Variants in PDZRN3 observed in about 807,000 individuals in gnomAD.
PDZRN3 encodes the protein E3 ubiquitin-protein ligase PDZRN3.
Under a neutral mutation model 85.7 loss-of-function variants are expected in PDZRN3, and 38 were observed. The observed-to-expected ratio is 0.44, with a 90% CI of 0.34 to 0.58. The LOEUF (loss-of-function observed/expected upper bound fraction) is 0.58, where lower values mean the gene tolerates loss of function less well. PDZRN3 is among the 20% of genes least tolerant of loss of function. PDZRN3 has a pLI of 0.01. For synonymous variants in PDZRN3, 759 were observed against 638.0 expected (o/e 1.19, Z -2.86); for missense variants, 1,629 against 1,506.4 (o/e 1.08, Z -1.35).
At chr3:73,602,301 G>T in intron 3 of PDZRN3, 53 bp downstream of exon 3, 1 of 973,904 alleles carries the variant, frequency 1.0e-6, no homozygotes, top group South Asian at 1.3e-5. Context: ...TGAGCTAGAC[G>T]AAGATGGGAT....
intron 3 of PDZRN3, among the ~76,000 whole-genome samples, chr3:73,495,624 C>T (rs188170789): frequency 2.4e-4 from 36 of 152,192 alleles, no homozygotes; most frequent in Admixed American, 1.9e-3. Context: ...TTGTCTTTTT[C>T]CCTATTACAA....
intron 1 of PDZRN3, among the ~76,000 whole-genome samples, chr3:73,621,204 G>A (rs1214707404): frequency 6.6e-6 from 1 of 152,222 alleles, no homozygotes; most frequent in Non-Finnish European, 1.5e-5. Flanking sequence ...TGGTAGAACA[G>A]AAGAGACAAC....
Position 73,383,727 on chromosome 3 carries a change from C to T in PDZRN3, c.2839G>A (p.Ala947Thr), listed in dbSNP as rs560895860. Residue 947 changes from alanine (A) to threonine (T), a missense_variant, in exon 10 of 10, where the codon GCC becomes ACC. Transcript: ENST00000263666. ...CTGCGCTCTTCCCGGATCTTCAGGG[C>T]GCGCTCCCGCAGCAGGCGGTCCCGC... is the stretch of plus-strand genomic sequence containing the variant. The part of the protein sequence containing the change: ...PVRDRLLRER[A>T]LKIREERSGM... The T allele has an allele frequency of 7.4e-6, 12 of 1,611,822 alleles. No individual in the cohort carries two copies. The highest frequency in any genetic ancestry group is 1.1e-5 in the South Asian group (1 of 91,076).
intron 3 of PDZRN3, among the ~76,000 whole-genome samples, chr3:73,484,445 A>G (rs1703627062): frequency 6.6e-6 from 1 of 152,074 alleles, no homozygotes; most frequent in South Asian, 2.1e-4. Context: ...TGCCCCAGAG[A>G]ACAGAGGGAA....
At chr3:73,548,374 T>G (rs946833336) in intron 3 of PDZRN3, among the ~76,000 whole-genome samples, 10 of 152,174 alleles carry the variant, frequency 6.6e-5, no homozygotes, top group Non-Finnish European at 1.3e-4. Flanking sequence ...TTTCCCCAGA[T>G]TCCACTAAAG....
At chr3:73,452,003 C>A (rs111295170) in intron 3 of PDZRN3, among the ~76,000 whole-genome samples, 509 of 152,224 alleles carry the variant, frequency 3.3e-3, no homozygotes, top group Non-Finnish European at 6.0e-3. Flanking sequence ...CAAACAGAAT[C>A]GAATCTTTAC....
intron 3 of PDZRN3, among the ~76,000 whole-genome samples, chr3:73,448,682 A>G (rs1702799018): frequency 6.6e-6 from 1 of 152,240 alleles, no homozygotes; most frequent in Non-Finnish European, 1.5e-5. Context: ...ATGGCAAGAA[A>G]AAAACATTTA....
chr3:73,439,755 T>TTTTG (rs1702597454), intron 3 of PDZRN3, among the ~76,000 whole-genome samples: 1 of 127,460 alleles, frequency 7.8e-6, no homozygotes, highest in Non-Finnish European at 1.8e-5. Flanking sequence ...ATTTTATTTT[T>TTTTG]TGAAACAGAG....
At chr3:73,517,999 C>A (rs1339247575) in intron 3 of PDZRN3, among the ~76,000 whole-genome samples, 1 of 152,204 alleles carries the variant, frequency 6.6e-6, no homozygotes, top group Admixed American at 6.5e-5. Context: ...AGCAACTCCA[C>A]TTGTGGGTAT....
chr3:73,588,903 A>C (rs986414371), intron 3 of PDZRN3, among the ~76,000 whole-genome samples: 1 of 152,202 alleles, frequency 6.6e-6, no homozygotes, highest in African/African-American at 2.4e-5. Context: ...GCAAAATGCT[A>C]AACAGGCTTC....
chr3:73,535,772 G>A (rs192675710), intron 3 of PDZRN3, among the ~76,000 whole-genome samples: 3 of 152,142 alleles, frequency 2.0e-5, no homozygotes, highest in East Asian at 1.9e-4. Flanking sequence ...TGTAAATCTC[G>A]CCCATAATGT....
chr3:73,491,684 G>C (rs1463192978), intron 3 of PDZRN3, among the ~76,000 whole-genome samples: 2 of 148,634 alleles, frequency 1.3e-5, no homozygotes, highest in South Asian at 2.1e-4. Flanking sequence ...CTGCAGCCTT[G>C]AATTCCTGGA....
At chr3:73,397,485 A>G (rs72890642) in intron 5 of PDZRN3, among the ~76,000 whole-genome samples, 4,839 of 152,332 alleles carry the variant, frequency 0.032, 280 homozygotes, top group African/African-American at 0.11. Context: ...GATGACAGGC[A>G]TGTGCCAGTC....
intron 3 of PDZRN3, among the ~76,000 whole-genome samples, chr3:73,567,763 A>G (rs1701974847): frequency 6.6e-6 from 1 of 152,206 alleles, no homozygotes; most frequent in Non-Finnish European, 1.5e-5. Flanking sequence ...TTAGTCTTTA[A>G]AACTTAGCCT....
At chr3:73,459,668 C>T (rs577434587) in intron 3 of PDZRN3, among the ~76,000 whole-genome samples, 1 of 152,330 alleles carries the variant, frequency 6.6e-6, no homozygotes, top group East Asian at 1.9e-4. Flanking sequence ...ATCCATGCTC[C>T]TGCAAAAGAC....
intron 3 of PDZRN3, among the ~76,000 whole-genome samples, chr3:73,486,639 C>T (rs1703667010): frequency 6.6e-6 from 1 of 151,982 alleles, no homozygotes; most frequent in Non-Finnish European, 1.5e-5. Flanking sequence ...GTATATTTTA[C>T]CATAATTTTA....
intron 3 of PDZRN3, among the ~76,000 whole-genome samples, chr3:73,540,419 T>A (rs1704892914): frequency 6.6e-6 from 1 of 152,204 alleles, no homozygotes; most frequent in African/African-American, 2.4e-5. Context: ...TGTAGTATTT[T>A]ATAAAATGAC....
intron 3 of PDZRN3, among the ~76,000 whole-genome samples, chr3:73,576,959 C>T (rs1702133826): frequency 6.6e-6 from 1 of 152,136 alleles, no homozygotes; most frequent in Non-Finnish European, 1.5e-5. Context: ...CTTCTATTAG[C>T]ACTGATTACA....
chr3:73,428,672 G>A lies in PDZRN3; in HGVS notation c.919-24277C>T, dbSNP rs139744346. On this transcript the variant is annotated intron_variant, in intron 3 of 9. Transcript: ENST00000263666. ...TCCTCTAAAGCTTTGTGTCTTAAGA[G>A]GAGACAAACTGAAAGAAGAGAGGTA... 1.8e-3 allele frequency among the ~76,000 whole-genome samples: 276 copies of A among 152,200 alleles called. 3 individuals carry two copies. The highest frequency in any genetic ancestry group is 6.8e-3 in the Middle Eastern group (2 of 292).
Sources: gnomAD v4.1 joint callset for allele counts (sites outside exome capture counted in the v4.1 genomes callset) on GRCh38, gnomAD v4.1.1 for gene constraint, MANE v1.5 for transcripts, NCBI Gene and HGNC (gene_info 2026-07-23, HGNC 2026-07-21) for gene names.